Variants in PTN observed in about 807,000 individuals in gnomAD.
The protein encoded by PTN is heparin affin regulatory protein.
In PTN, 18 loss-of-function variants were observed where a neutral mutation model predicts 24.1. That is an observed-to-expected ratio of 0.75 (90% CI 0.52 to 1.11). The LOEUF is 1.11. Among genes scored for constraint, PTN ranks in the 50% least tolerant of loss-of-function variants. The pLI, the probability that PTN is intolerant of heterozygous loss-of-function variation, is 0.00. For missense variants in PTN, 163 were observed against 198.8 expected (o/e 0.82, Z 1.08); for synonymous variants, 78 against 68.6 (o/e 1.14, Z -0.67).
chr7:137,281,710 C>A (rs1186123805), intron 1 of PTN, among the ~76,000 whole-genome samples: 1 of 152,172 alleles, frequency 6.6e-6, no homozygotes, highest in South Asian at 2.1e-4. Flanking sequence ...AGCCCAACTT[C>A]TTCAAATAAG....
chr7:137,324,353 C>T (rs1466758376), intron 1 of PTN, among the ~76,000 whole-genome samples: 1 of 142,996 alleles, frequency 7.0e-6, no homozygotes, highest in African/African-American at 2.6e-5. Flanking sequence ...CTGTAGTGTG[C>T]AATGATTATG....
At chr7:137,280,724 A>AAAAAAAAAAAAAAAAAAAAAAAAG (rs1809458036) in intron 1 of PTN, among the ~76,000 whole-genome samples, 1 of 138,082 alleles carries the variant, frequency 7.2e-6, no homozygotes, top group African/African-American at 2.7e-5. Flanking sequence ...AAAAAAAAAA[A>AAAAAAAAAAAAAAAAAAAAAAAAG]AGCTGAGTGT....
chr7:137,261,194 CTTTG>C (rs761278144), intron 1 of PTN, among the ~76,000 whole-genome samples: 6 of 151,820 alleles, frequency 4.0e-5, no homozygotes, highest in African/African-American at 7.3e-5. Context: ...TTTGAAGAAT[CTTTG>C]TTTGTTCGTT....
chr7:137,273,083 T>C (rs1333771297), intron 1 of PTN, among the ~76,000 whole-genome samples: 1 of 152,194 alleles, frequency 6.6e-6, no homozygotes, highest in Non-Finnish European at 1.5e-5. Flanking sequence ...AACACTTGTA[T>C]TCATCTTCCT....
At chr7:137,267,889 G>T (rs1287692212) in intron 1 of PTN, among the ~76,000 whole-genome samples, 1 of 152,082 alleles carries the variant, frequency 6.6e-6, no homozygotes, top group Non-Finnish European at 1.5e-5. Context: ...GCCGATACAG[G>T]CATACCATGG....
intron 1 of PTN, among the ~76,000 whole-genome samples, chr7:137,335,661 A>G (rs554950443): frequency 6.6e-6 from 1 of 152,184 alleles, no homozygotes; most frequent in South Asian, 2.1e-4. Context: ...AGAAAAGCAG[A>G]CTCTGAGATT....
intron 2 of PTN, 80 bp from the exon 3 acceptor site, chr7:137,253,717 C>A: frequency 8.3e-7 from 1 of 1,204,704 alleles, no homozygotes; most frequent in Non-Finnish European, 1.1e-6. Flanking sequence ...TTCCTGAGCA[C>A]CTTAATTGCA....
intron 4 of PTN, among the ~76,000 whole-genome samples, chr7:137,243,367 C>G (rs1245842271): frequency 6.6e-6 from 1 of 152,204 alleles, no homozygotes; most frequent in African/African-American, 2.4e-5. Context: ...AGACCCAACT[C>G]TCTGTACAAT....
At chr7:137,254,371 T>C (rs554214280) in intron 2 of PTN, among the ~76,000 whole-genome samples, 2 of 152,190 alleles carry the variant, frequency 1.3e-5, no homozygotes, top group South Asian at 2.1e-4. Flanking sequence ...CTCTGCCTTG[T>C]AGAAGGAATG....
chr7:137,283,857 C>T (rs1285165830), intron 1 of PTN, among the ~76,000 whole-genome samples: 1 of 151,718 alleles, frequency 6.6e-6, no homozygotes, highest in Non-Finnish European at 1.5e-5. Flanking sequence ...TTTCACCATC[C>T]TCCTCCCTCA....
chr7:137,241,861 G>C (rs10260355), intron 4 of PTN, among the ~76,000 whole-genome samples: 6,497 of 152,156 alleles, frequency 0.043, 476 homozygotes, highest in African/African-American at 0.15. Flanking sequence ...CAAGTACAAG[G>C]GCAGTAATCA....
At chr7:137,321,007 T>C (rs550858321) in intron 1 of PTN, among the ~76,000 whole-genome samples, 1 of 152,308 alleles carries the variant, frequency 6.6e-6, no homozygotes, top group East Asian at 1.9e-4. Context: ...GGCTCTACAA[T>C]GAATATTCAA....
intron 1 of PTN, among the ~76,000 whole-genome samples, chr7:137,262,682 G>A (rs771333705): frequency 1.3e-5 from 2 of 152,190 alleles, no homozygotes; most frequent in Non-Finnish European, 2.9e-5. Flanking sequence ...CACATGAGAG[G>A]GTCGTGATTG....
At chr7:137,337,026 C>T (rs919600229) in intron 1 of PTN, among the ~76,000 whole-genome samples, 3 of 152,108 alleles carry the variant, frequency 2.0e-5, no homozygotes, top group African/African-American at 7.2e-5. Context: ...AAATATTGAG[C>T]GATTAAGGCT....
At chr7:137,252,589 A>G (rs904830313) in intron 3 of PTN, among the ~76,000 whole-genome samples, 4 of 151,862 alleles carry the variant, frequency 2.6e-5, no homozygotes, top group Admixed American at 2.0e-4. Context: ...TATCCATTCA[A>G]ATAAAAAATA....
At chr7:137,272,476 C>T (rs573458999) in intron 1 of PTN, among the ~76,000 whole-genome samples, 9 of 152,318 alleles carry the variant, frequency 5.9e-5, no homozygotes, top group South Asian at 2.1e-4. Context: ...ATGACAGTAT[C>T]GCTATCTCTG....
chr7:137,316,230 G>A (rs532950565), intron 1 of PTN, among the ~76,000 whole-genome samples: 3 of 152,176 alleles, frequency 2.0e-5, no homozygotes, highest in East Asian at 1.9e-4. Context: ...CCGTATCACC[G>A]TCACCTGGGA....
intron 1 of PTN, among the ~76,000 whole-genome samples, chr7:137,296,656 A>G (rs2128877940): frequency 6.6e-6 from 1 of 152,156 alleles, no homozygotes; most frequent in African/African-American, 2.4e-5. Context: ...CAGGGGGTGG[A>G]GAGTAGAACT....
chr7:137,236,029 G>C, intron 4 of PTN: 1 of 602,996 alleles, frequency 1.7e-6, no homozygotes. Context: ...GAAAGCACTA[G>C]TGAATAAAGT....
Sources: gnomAD v4.1 joint callset for allele counts (sites outside exome capture counted in the v4.1 genomes callset) on GRCh38, gnomAD v4.1.1 for gene constraint, MANE v1.5 for transcripts, NCBI Gene and HGNC (gene_info 2026-07-23, HGNC 2026-07-21) for gene names.